PARD3B: variants seen among roughly 807,000 people sequenced by gnomAD.
PARD3B encodes partitioning defective 3 homolog B.
PARD3B carries 103 observed loss-of-function variants against 130.2 expected under a neutral mutation model. The observed-to-expected ratio is 0.79, with a 90% CI of 0.67 to 0.93. PARD3B has a LOEUF of 0.93. Among genes scored for constraint, PARD3B ranks in the 40% least tolerant of loss-of-function variants. The pLI, the probability that PARD3B is intolerant of heterozygous loss-of-function variation, is 0.00. For synonymous variants in PARD3B, 583 were observed against 553.2 expected, an observed-to-expected ratio of 1.05 and a Z score of -0.76; for missense variants, 1,609 against 1,499.2, an observed-to-expected ratio of 1.07 and a Z score of -1.21.
At chr2:205,248,676 G>A (rs1349822019) in intron 16 of PARD3B, among the ~76,000 whole-genome samples, 6 of 137,618 alleles carry the variant, frequency 4.4e-5, no homozygotes, top group Admixed American at 1.6e-4. Flanking sequence ...GCGCGATCTA[G>A]GCTCACTGCA....
intron 2 of PARD3B, among the ~76,000 whole-genome samples, chr2:204,954,851 G>A (rs921169603): frequency 3.0e-4 from 46 of 152,192 alleles, no homozygotes; most frequent in African/African-American, 9.6e-4. Context: ...GTAAGATACT[G>A]TTTTTTCTAT....
chr2:204,994,885 C>A (rs373729483), intron 3 of PARD3B, among the ~76,000 whole-genome samples: 5 of 151,774 alleles, frequency 3.3e-5, no homozygotes, highest in East Asian at 1.9e-4. Context: ...CTGTTTAATC[C>A]GAGACTAGGA....
At chr2:204,806,639 A>G (rs989884793) in intron 2 of PARD3B, among the ~76,000 whole-genome samples, 19 of 152,148 alleles carry the variant, frequency 1.2e-4, no homozygotes, top group African/African-American at 4.3e-4. Flanking sequence ...GCAAAAATAG[A>G]CAAATGGATT....
intron 15 of PARD3B, among the ~76,000 whole-genome samples, chr2:205,210,631 A>G (rs761173399): frequency 3.7e-4 from 57 of 152,260 alleles, no homozygotes; most frequent in African/African-American, 9.9e-4. Context: ...TATTAAAGAT[A>G]TGAGGCTTTT....
chr2:204,629,828 C>G (rs2034617746), intron 1 of PARD3B, among the ~76,000 whole-genome samples: 1 of 152,078 alleles, frequency 6.6e-6, no homozygotes. Context: ...CTAAAAAGGA[C>G]AAATTATTTT....
chr2:205,413,053 G>A (rs113505554), intron 19 of PARD3B, among the ~76,000 whole-genome samples: 158 of 152,302 alleles, frequency 1.0e-3, no homozygotes, highest in African/African-American at 3.5e-3. Context: ...CTTTGAAAGA[G>A]AATGAACATG....
In PARD3B at chr2:205,530,006, G is replaced by A. The variant is rs1268014394; in HGVS notation, c.3181-23318G>A. Among the ~76,000 whole-genome samples the A allele has an allele frequency of 6.6e-6, 1 of 152,086 alleles. No homozygotes were observed. Among genetic ancestry groups the A allele is most frequent in the African/African-American group, 2.4e-5 (1 of 41,404 alleles). Reference sequence around the variant, plus strand: ...AGATCATAGAGAAACTATACCAACTGCCACCTTGGTATAGGCAGGCAAAGA... The same window carrying A: ...AGATCATAGAGAAACTATACCAACTACCACCTTGGTATAGGCAGGCAAAGA... On this transcript the variant is annotated intron_variant, in intron 21 of 22. Coordinates refer to ENST00000406610, the MANE Select transcript of PARD3B (RefSeq NM_001302769.2). This position sits in a 1 kb window ranked among gnomAD's most constrained non-coding sequence, Gnocchi z 4.7.
At chr2:204,973,738 A>G (rs1265897621) in intron 3 of PARD3B, among the ~76,000 whole-genome samples, 3 of 152,086 alleles carry the variant, frequency 2.0e-5, no homozygotes, top group Non-Finnish European at 4.4e-5. Context: ...ACATTTGGTT[A>G]TTTACTTTTT....
chr2:204,817,777 AG>A (rs1379425292), intron 2 of PARD3B, among the ~76,000 whole-genome samples: 2 of 152,178 alleles, frequency 1.3e-5, no homozygotes, highest in Admixed American at 1.3e-4. Context: ...CCTAATCTAC[AG>A]ACAGGAAACT....
intron 15 of PARD3B, among the ~76,000 whole-genome samples, chr2:205,217,337 G>A (rs1165282404): frequency 6.6e-6 from 1 of 152,176 alleles, no homozygotes; most frequent in Non-Finnish European, 1.5e-5. Flanking sequence ...TTAGATCTTA[G>A]TCCTGAGAGA....
intron 2 of PARD3B, among the ~76,000 whole-genome samples, chr2:204,927,862 AG>A (rs1687744401): frequency 1.3e-5 from 2 of 148,808 alleles, no homozygotes; most frequent in South Asian, 4.1e-4. Flanking sequence ...GTAGGTAGGT[AG>A]ATAGATAGAT....
At chr2:204,722,702 A>G (rs2125323103) in intron 2 of PARD3B, among the ~76,000 whole-genome samples, 1 of 152,300 alleles carries the variant, frequency 6.6e-6, no homozygotes, top group South Asian at 2.1e-4. Context: ...GGAAGGAGAA[A>G]TACCAAGACT....
At chr2:204,761,285 T>C (rs1464618198) in intron 2 of PARD3B, among the ~76,000 whole-genome samples, 1 of 152,202 alleles carries the variant, frequency 6.6e-6, no homozygotes, top group East Asian at 1.9e-4. Context: ...TAAGGTTCAG[T>C]AATTAAAAAT....
rs1472820822 is a variant in PARD3B at position 205,584,608 on chromosome 2, G to A, written c.3261-30848G>A. Among the ~76,000 whole-genome samples, 1 of 152,096 alleles carries A rather than the reference G, an allele frequency of 6.6e-6. No homozygotes were observed. The highest frequency in any genetic ancestry group is 3.2e-3 in the Middle Eastern group (1 of 316). ...CAGGAGAATCGCTTGAACCCGGGAG[G>A]CAGAGGTTGCAGTGAGCCAAGATTG... On this transcript the variant is annotated intron_variant, in intron 22 of 22. Transcript: ENST00000406610. The surrounding 1 kb of genome is among the most constrained non-coding windows in gnomAD (Gnocchi z 5.5).
chr2:205,582,859 A>G (rs1397983493), intron 22 of PARD3B, among the ~76,000 whole-genome samples: 1 of 152,116 alleles, frequency 6.6e-6, no homozygotes, highest in Non-Finnish European at 1.5e-5. Flanking sequence ...AGAAGGGATG[A>G]GGAAGAGATA....
intron 3 of PARD3B, among the ~76,000 whole-genome samples, chr2:205,034,213 C>G (rs1281957592): frequency 6.6e-6 from 1 of 152,082 alleles, no homozygotes; most frequent in Non-Finnish European, 1.5e-5. Flanking sequence ...TTGTTTGGTT[C>G]AATTTGGCAT....
intron 2 of PARD3B, among the ~76,000 whole-genome samples, chr2:204,786,290 A>G (rs72934212): frequency 4.1e-4 from 62 of 152,260 alleles, no homozygotes; most frequent in Non-Finnish European, 6.5e-4. Flanking sequence ...CAGGAAATTC[A>G]TGGTGTCTTT....
chr2:204,974,066 G>A (rs1465457008), intron 3 of PARD3B, among the ~76,000 whole-genome samples: 1 of 152,170 alleles, frequency 6.6e-6, no homozygotes, highest in Non-Finnish European at 1.5e-5. Flanking sequence ...ATGGGAAAAT[G>A]TTGATCGCTA....
At chr2:205,175,979 A>G (rs1187946987) in intron 12 of PARD3B, among the ~76,000 whole-genome samples, 2 of 152,228 alleles carry the variant, frequency 1.3e-5, no homozygotes, top group Non-Finnish European at 2.9e-5. Flanking sequence ...GTATCTGCAC[A>G]GAGACACACT....
Sources: allele counts gnomAD v4.1 joint callset (sites outside exome capture counted in the v4.1 genomes callset), GRCh38; gene constraint gnomAD v4.1.1; non-coding constraint Gnocchi (gnomAD v3.1); transcripts MANE v1.5; gene names NCBI Gene and HGNC (gene_info 2026-07-23, HGNC 2026-07-21).